The following FBXW4 variants were observed in gnomAD, a reference collection of about 807,000 sequenced individuals.
FBXW4 encodes the protein F-box and WD repeat domain containing 4, also known as F-box/WD repeat-containing protein 4.
Under a neutral mutation model 61.8 loss-of-function variants are expected in FBXW4, and 40 were observed. That is an observed-to-expected ratio of 0.65 (90% CI 0.50 to 0.84). The LOEUF (loss-of-function observed/expected upper bound fraction) is 0.84. FBXW4 is among the 40% of genes least tolerant of loss of function. FBXW4 has a pLI of 0.00. For synonymous variants in FBXW4, 311 were observed against 313.8 expected (o/e 0.99, Z 0.10); for missense variants, 672 against 753.8 (o/e 0.89, Z 1.27).
intron 5 of FBXW4, among the ~76,000 whole-genome samples, chr10:101,659,668 GCT>G: frequency 6.6e-6 from 1 of 152,310 alleles, no homozygotes. Context: ...GTGAAAGGAA[GCT>G]CAGAAACCTG....
chr10:101,689,228 G>A (rs758487683), intron 1 of FBXW4, among the ~76,000 whole-genome samples: 5 of 152,042 alleles, frequency 3.3e-5, no homozygotes, highest in Admixed American at 6.6e-5. Context: ...CTCACAGACT[G>A]TGAAGACATT....
intron 5 of FBXW4, among the ~76,000 whole-genome samples, chr10:101,661,927 G>A (rs553825169): frequency 2.0e-5 from 3 of 152,142 alleles, no homozygotes; most frequent in Non-Finnish European, 2.9e-5. Flanking sequence ...AGTTATCAAG[G>A]TCAAGCATCC....
intron 2 of FBXW4, 135 bp from the exon 3 acceptor site, chr10:101,673,808 CTCCT>C: frequency 2.5e-6 from 2 of 797,530 alleles, no homozygotes; most frequent in Non-Finnish European, 3.9e-6. Flanking sequence ...ACTTGATACC[CTCCT>C]TCAAAATTAC....
At chr10:101,691,984 A>C (rs1407218444) in intron 1 of FBXW4, among the ~76,000 whole-genome samples, 2 of 152,318 alleles carry the variant, frequency 1.3e-5, no homozygotes, top group Non-Finnish European at 2.9e-5. Context: ...TGCAATAAAA[A>C]CGAAATGCAT....
At chr10:101,623,963 T>C (rs914283762) in intron 6 of FBXW4, among the ~76,000 whole-genome samples, 14 of 152,172 alleles carry the variant, frequency 9.2e-5, no homozygotes, top group Non-Finnish European at 1.0e-4. Flanking sequence ...TGGGTGTGAC[T>C]ACCAAGGGGT....
intron 5 of FBXW4, among the ~76,000 whole-genome samples, chr10:101,632,002 G>A (rs1392262061): frequency 6.6e-6 from 1 of 152,182 alleles, no homozygotes; most frequent in African/African-American, 2.4e-5. Flanking sequence ...AGGCAGACCT[G>A]AAGGTGAGCG....
intron 5 of FBXW4, among the ~76,000 whole-genome samples, chr10:101,664,595 C>T (rs1165284354): frequency 6.6e-6 from 1 of 152,148 alleles, no homozygotes; most frequent in Admixed American, 6.5e-5. Flanking sequence ...AAGAGAGATT[C>T]CTACTGAGTC....
chr10:101,625,666 C>T (rs1201905840), intron 5 of FBXW4: 1 of 152,212 alleles, frequency 6.6e-6, no homozygotes, highest in African/African-American at 2.4e-5. Context: ...AGAACTTGAA[C>T]CTATGAGCCA....
intron 5 of FBXW4, among the ~76,000 whole-genome samples, chr10:101,641,730 A>G (rs949345648): frequency 1.3e-5 from 2 of 152,014 alleles, no homozygotes; most frequent in African/African-American, 4.8e-5. Flanking sequence ...TCAGAAAGAC[A>G]TTTGAAGTTG....
In FBXW4 at chr10:101,619,531, C is replaced by G. The variant is rs553550205; in HGVS notation, c.1301+5214G>C. On this transcript the variant is annotated intron_variant, in intron 6 of 8. Transcript: ENST00000331272. ...AAAATTAGCCAGGCGCGGTGGCAGG[C>G]ACCTGTAGTCCCAGCTACTCGGGAG... 4.6e-5 allele frequency among the ~76,000 whole-genome samples: 7 copies of G among 152,110 alleles called. No homozygotes were observed. The South Asian group carries it at 1.5e-3, about 32-fold the overall frequency.
At chr10:101,653,842 G>T (rs1349931392) in intron 5 of FBXW4, among the ~76,000 whole-genome samples, 1 of 152,146 alleles carries the variant, frequency 6.6e-6, no homozygotes, top group Non-Finnish European at 1.5e-5. Context: ...GGCACTCGGG[G>T]CCAGGCGCAG....
chr10:101,626,929 G>C (rs943827409), intron 5 of FBXW4: 1 of 152,272 alleles, frequency 6.6e-6, no homozygotes, highest in Non-Finnish European at 1.5e-5. Flanking sequence ...GGTGGTGTGG[G>C]GATGTAAATC....
chr10:101,624,963 G>A (rs1194267222), intron 5 of FBXW4, 153 bp from the exon 6 acceptor site: 4 of 796,862 alleles, frequency 5.0e-6, no homozygotes, highest in African/African-American at 1.7e-5. Flanking sequence ...GAGGAGCTGT[G>A]GGAAGACATC....
chr10:101,613,507 A>G (rs1303261486), intron 6 of FBXW4, among the ~76,000 whole-genome samples: 1 of 152,246 alleles, frequency 6.6e-6, no homozygotes, highest in Non-Finnish European at 1.5e-5. Context: ...AGGGATGTCC[A>G]GGTAAGAGGC....
At chr10:101,616,678 T>C (rs2063828290) in intron 6 of FBXW4, among the ~76,000 whole-genome samples, 1 of 152,236 alleles carries the variant, frequency 6.6e-6, no homozygotes. Flanking sequence ...CAGGCTGTTT[T>C]GGCGGCAGCT....
At chr10:101,658,656 G>A (rs1269418823) in intron 5 of FBXW4, among the ~76,000 whole-genome samples, 1 of 152,124 alleles carries the variant, frequency 6.6e-6, no homozygotes, top group African/African-American at 2.4e-5. Flanking sequence ...CCACCTAATT[G>A]CAGGAGGATG....
intron 2 of FBXW4, among the ~76,000 whole-genome samples, chr10:101,675,726 G>A (rs2064401599): frequency 6.6e-6 from 1 of 152,224 alleles, no homozygotes; most frequent in Non-Finnish European, 1.5e-5. Flanking sequence ...TTTTGGTAGA[G>A]AGTCAAATAA....
At chr10:101,616,513 T>C (rs1316209871) in intron 6 of FBXW4, among the ~76,000 whole-genome samples, 1 of 151,508 alleles carries the variant, frequency 6.6e-6, no homozygotes, top group African/African-American at 2.4e-5. Flanking sequence ...CAACGGAAAG[T>C]TCTACAAGGG....
chr10:101,632,196 A>G (rs765861153), intron 5 of FBXW4, among the ~76,000 whole-genome samples: 3 of 151,884 alleles, frequency 2.0e-5, no homozygotes, highest in Non-Finnish European at 2.9e-5. Flanking sequence ...CAGTACACAT[A>G]CCACACATAT....
Sources: gnomAD v4.1 joint callset for allele counts (sites outside exome capture counted in the v4.1 genomes callset) on GRCh38, gnomAD v4.1.1 for gene constraint, MANE v1.5 for transcripts, NCBI Gene and HGNC (gene_info 2026-07-23, HGNC 2026-07-21) for gene names.